Variants in AUTS2 observed in about 807,000 individuals in gnomAD.
The protein encoded by AUTS2 is autism susceptibility gene 2 protein.
A neutral mutation model predicts 112.4 loss-of-function variants in AUTS2; 17 were observed. The ratio of observed to expected loss-of-function variants is 0.15; its 90% confidence interval spans 0.10 to 0.23. The LOEUF (loss-of-function observed/expected upper bound fraction) is 0.23. AUTS2 is among the 10% of genes least tolerant of loss of function. AUTS2 has a pLI of 1.00. For missense variants in AUTS2, 1,510 were observed against 1,701.6 expected, an observed-to-expected ratio of 0.89 and a Z score of 1.98; for synonymous variants, 751 against 702.7, an observed-to-expected ratio of 1.07 and a Z score of -1.09.
At chr7:69,874,966 C>T (rs1036981661) in intron 1 of AUTS2, among the ~76,000 whole-genome samples, 1 of 151,716 alleles carries the variant, frequency 6.6e-6, no homozygotes, top group African/African-American at 2.4e-5. Flanking sequence ...CTAGGATGTA[C>T]ATCTGTCAAC....
intron 4 of AUTS2, among the ~76,000 whole-genome samples, chr7:70,165,177 A>T (rs1808316935): frequency 6.6e-6 from 1 of 152,202 alleles, no homozygotes; most frequent in Non-Finnish European, 1.5e-5. Flanking sequence ...ATAGAGCAAA[A>T]AGAGTGGAAA....
chr7:70,693,456 G>A (rs1011977707), intron 5 of AUTS2, among the ~76,000 whole-genome samples: 2 of 152,318 alleles, frequency 1.3e-5, no homozygotes, highest in African/African-American at 4.8e-5. Flanking sequence ...GGAGCTGGGA[G>A]GAGAGGATTT....
At chr7:70,457,001 C>T (rs1308305240) in intron 5 of AUTS2, among the ~76,000 whole-genome samples, 1 of 152,216 alleles carries the variant, frequency 6.6e-6, no homozygotes, top group African/African-American at 2.4e-5. Context: ...CACCCCCAAG[C>T]AGGTGCTTGA....
intron 16 of AUTS2, 105 bp from the exon 17 acceptor site, chr7:70,785,850 G>A: frequency 9.9e-7 from 1 of 1,013,906 alleles, no homozygotes; most frequent in Non-Finnish European, 1.5e-6. Context: ...CCAGGTGGGG[G>A]CGTAGAGAGG....
chr7:69,952,721 A>G (rs971598332), intron 2 of AUTS2, among the ~76,000 whole-genome samples: 7 of 152,194 alleles, frequency 4.6e-5, no homozygotes, highest in African/African-American at 7.2e-5. Flanking sequence ...CACAACAGGC[A>G]TATCTTCCTG....
chr7:70,568,804 A>G (rs569633442), intron 5 of AUTS2, among the ~76,000 whole-genome samples: 5 of 152,258 alleles, frequency 3.3e-5, no homozygotes, highest in Non-Finnish European at 5.9e-5. Context: ...CACTGTCGCC[A>G]CCAGTGTTCC....
rs1554489207 is a variant in AUTS2 at position 70,790,590 on chromosome 7, G to GCCACAGCCA, written c.3378_3379insAGCCACCAC (p.His1126_His1127insSerHisHis). Reference sequence around the variant, plus strand: ...AGGGACCGGGAGCCTCACGACTACAGCCACCACCACCACCACCACCACCAC... The same window carrying GCCACAGCCA: ...AGGGACCGGGAGCCTCACGACTACAGCCACAGCCACCACCACCACCACCACCACCACCAC... On this transcript the variant is annotated inframe_insertion, in exon 19 of 19. Coordinates refer to ENST00000342771, the MANE Select transcript of AUTS2 (RefSeq NM_015570.4). This position sits in a 1 kb window ranked among gnomAD's most constrained non-coding sequence, Gnocchi z 7.6. 8.1e-6 allele frequency: 13 copies of GCCACAGCCA among 1,600,726 alleles called. No homozygotes were observed. The highest frequency in any genetic ancestry group is 1.6e-4 in the Middle Eastern group (1 of 6,064).
chr7:70,769,892 A>C (rs1790227808), intron 10 of AUTS2, among the ~76,000 whole-genome samples: 1 of 152,164 alleles, frequency 6.6e-6, no homozygotes, highest in South Asian at 2.1e-4. Context: ...AGGAATAGTC[A>C]GCTATATTTA....
At chr7:69,850,198 C>G (rs1319983879) in intron 1 of AUTS2, among the ~76,000 whole-genome samples, 2 of 151,396 alleles carry the variant, frequency 1.3e-5, no homozygotes, top group East Asian at 1.9e-4. Context: ...ACTCGGGAGG[C>G]TGAGGAAGGA....
intron 1 of AUTS2, among the ~76,000 whole-genome samples, chr7:69,663,810 A>G (rs1330256547): frequency 6.6e-6 from 1 of 152,226 alleles, no homozygotes; most frequent in African/African-American, 2.4e-5. Context: ...TGGAAATAAC[A>G]GGTGTCTTAG....
intron 5 of AUTS2, among the ~76,000 whole-genome samples, chr7:70,544,552 G>A (rs539348309): frequency 7.9e-5 from 12 of 152,202 alleles, no homozygotes; most frequent in Non-Finnish European, 1.5e-4. Context: ...TGAGGCCTCC[G>A]CTTGAGCAGT....
At chr7:70,492,568 C>G (rs767062245) in intron 5 of AUTS2, among the ~76,000 whole-genome samples, 2 of 152,160 alleles carry the variant, frequency 1.3e-5, no homozygotes, top group African/African-American at 4.8e-5. Flanking sequence ...GGTATTTTCT[C>G]TAGAAACAAA....
chr7:70,703,676 ACATGATGTAAAGTG>A (rs1221947887), intron 6 of AUTS2, among the ~76,000 whole-genome samples: 2 of 152,046 alleles, frequency 1.3e-5, no homozygotes, highest in African/African-American at 4.8e-5. Flanking sequence ...CGCAGGGAGG[ACATGATGTAAAGTG>A]CATTTCCGAT....
At chr7:70,535,281 A>G (rs776629398) in intron 5 of AUTS2, among the ~76,000 whole-genome samples, 1 of 152,164 alleles carries the variant, frequency 6.6e-6, no homozygotes, top group Non-Finnish European at 1.5e-5. Flanking sequence ...GGTGCCTCTT[A>G]TATTTTTATT....
At chr7:70,602,617 C>A (rs942402020) in intron 5 of AUTS2, among the ~76,000 whole-genome samples, 4 of 152,152 alleles carry the variant, frequency 2.6e-5, no homozygotes, top group East Asian at 3.8e-4. Flanking sequence ...GCAGAGAGGT[C>A]AAAGTATTAG....
At chr7:70,627,237 T>C (rs182422503) in intron 5 of AUTS2, among the ~76,000 whole-genome samples, 34 of 152,332 alleles carry the variant, frequency 2.2e-4, no homozygotes, top group Non-Finnish European at 4.3e-4. Flanking sequence ...GTATTGTGAT[T>C]TTGATTTGAA....
chr7:70,191,990 A>G (rs1809922542), intron 4 of AUTS2, among the ~76,000 whole-genome samples: 1 of 152,078 alleles, frequency 6.6e-6, no homozygotes, highest in Admixed American at 6.6e-5. Context: ...AAAGAAAAAA[A>G]AAAAGAAAAG....
chr7:70,675,419 C>T lies in AUTS2; in HGVS notation c.691-23150C>T, dbSNP rs564934999. On this transcript the variant is annotated intron_variant, in intron 5 of 18. Transcript: ENST00000342771. ...GAGGCAGGAGAATTGCTTGATGAGC[C>T]CAGGAGGTGGAGGTTGCAGTGAGCC... is the stretch of plus-strand genomic sequence containing the variant. Among the ~76,000 whole-genome samples the T allele has an allele frequency of 5.3e-5, 8 of 152,236 alleles. No homozygotes were observed. In the East Asian group the frequency reaches 1.6e-3, roughly 30 times the overall value.
chr7:69,912,589 G>A (rs1210139379), intron 2 of AUTS2, among the ~76,000 whole-genome samples: 1 of 152,240 alleles, frequency 6.6e-6, no homozygotes, highest in African/African-American at 2.4e-5. Context: ...GTATTAGAAG[G>A]AAAGAATATG....
Sources: gnomAD v4.1 joint callset for allele counts (sites outside exome capture counted in the v4.1 genomes callset) on GRCh38, gnomAD v4.1.1 for gene constraint, Gnocchi (gnomAD v3.1) non-coding constraint, MANE v1.5 for transcripts, NCBI Gene and HGNC (gene_info 2026-07-23, HGNC 2026-07-21) for gene names.